Variants in NPNT observed in about 807,000 individuals in gnomAD.
NPNT encodes nephronectin, also known as preosteoblast EGF-like repeat protein with MAM domain.
NPNT carries 45 observed loss-of-function variants against 68.6 expected under a neutral mutation model. The ratio of observed to expected loss-of-function variants is 0.66; its 90% CI spans 0.52 to 0.84. The LOEUF (loss-of-function observed/expected upper bound fraction) is 0.84. NPNT is among the 40% of genes least tolerant of loss of function. The pLI is 0.00. For missense variants in NPNT, 672 were observed against 714.8 expected (o/e 0.94, Z 0.68); for synonymous variants, 233 against 253.3 (o/e 0.92, Z 0.76).
chr4:105,942,496 C>T lies in NPNT; in HGVS notation c.953C>T (p.Pro318Leu). ...CCTACTTCTAAGCCAACAACAAGAC[C>T]TACACCAAAGCCAACACCAATTCCT... ...NRPTSKPTTR[P>L]TPKPTPIPTP... The change falls in exon 8 of 12, where the codon CCT becomes CTT. Residue 318 changes from proline to leucine, a missense_variant. Coordinates refer to ENST00000379987, the MANE Select transcript of NPNT (RefSeq NM_001033047.3). The T allele has an allele frequency of 5.0e-6, 8 of 1,613,792 alleles. No homozygotes were observed. The highest frequency in any genetic ancestry group is 6.8e-6 in the Non-Finnish European group (8 of 1,179,920).
At chr4:105,943,890 G>A (rs753093481) in intron 8 of NPNT, among the ~76,000 whole-genome samples, 56 of 152,248 alleles carry the variant, frequency 3.7e-4, no homozygotes, top group Middle Eastern at 3.4e-3. Flanking sequence ...CAGACCGATC[G>A]CTTGAGCCTA....
At chr4:105,920,786 C>T (rs1054467848) in intron 2 of NPNT, among the ~76,000 whole-genome samples, 5 of 152,026 alleles carry the variant, frequency 3.3e-5, no homozygotes, top group African/African-American at 9.7e-5. Context: ...TGGGAGACAA[C>T]ATTATAAAGA....
chr4:105,951,798 C>G (rs1730859254), intron 8 of NPNT, among the ~76,000 whole-genome samples: 1 of 152,118 alleles, frequency 6.6e-6, no homozygotes, highest in Non-Finnish European at 1.5e-5. Context: ...TAAATGGGCC[C>G]TTGGTGATTG....
chr4:105,906,478 C>G (rs1008533086), intron 2 of NPNT, among the ~76,000 whole-genome samples: 2 of 148,880 alleles, frequency 1.3e-5, no homozygotes, highest in Non-Finnish European at 1.5e-5. Context: ...GTTTAAGAAG[C>G]ATTATGTGCA....
At chr4:105,938,894 G>T (rs915073955) in intron 5 of NPNT, among the ~76,000 whole-genome samples, 2 of 152,160 alleles carry the variant, frequency 1.3e-5, no homozygotes, top group African/African-American at 4.8e-5. Context: ...CCTTAGGCAA[G>T]AGACTTTGTT....
chr4:105,914,339 GCTCT>G (rs1157839512), intron 2 of NPNT, among the ~76,000 whole-genome samples: 4 of 133,362 alleles, frequency 3.0e-5, no homozygotes, highest in African/African-American at 8.5e-5. Flanking sequence ...GTAATAGCTG[GCTCT>G]CTCTCTCCAT....
Position 105,895,743 on chromosome 4 carries a change from G to A in NPNT, c.71+20G>A, listed in dbSNP as rs1398591458. The A allele has an allele frequency of 5.8e-6, 9 of 1,545,690 alleles. 1 individual carries two copies. Among genetic ancestry groups the A allele is most frequent in the Admixed American group, 2.0e-5 (1 of 50,996 alleles). The stretch of plus-strand genomic sequence containing the variant: ...CGGGAGGTGAGCTGGGCCCCGGGGC[G>A]CCCTCTCCTCCTTCCCGCGCTAATT... On this transcript the variant is annotated intron_variant, in intron 1 of 11. Transcript: ENST00000379987.
intron 2 of NPNT, among the ~76,000 whole-genome samples, chr4:105,919,369 A>G (rs796585175): frequency 2.2e-4 from 33 of 152,256 alleles, no homozygotes; most frequent in African/African-American, 7.7e-4. Flanking sequence ...GAGCAAGGAC[A>G]TTTACTTACA....
intron 1 of NPNT, among the ~76,000 whole-genome samples, chr4:105,897,151 G>T (rs1016406070): frequency 6.6e-6 from 1 of 152,170 alleles, no homozygotes; most frequent in Non-Finnish European, 1.5e-5. Flanking sequence ...AAACAATTTA[G>T]CAAATAATGT....
intron 2 of NPNT, among the ~76,000 whole-genome samples, chr4:105,914,884 G>C (rs186378573): frequency 2.0e-5 from 3 of 152,122 alleles, no homozygotes; most frequent in African/African-American, 7.2e-5. Context: ...GATGAGAGAC[G>C]CAGTGGGAGA....
chr4:105,926,471 G>A (rs1009123808), intron 2 of NPNT, among the ~76,000 whole-genome samples: 20 of 152,022 alleles, frequency 1.3e-4, no homozygotes, highest in South Asian at 2.1e-4. Flanking sequence ...CATCCTTGGC[G>A]CCTATCCACT....
chr4:105,900,155 T>C (rs1212132346), intron 2 of NPNT, among the ~76,000 whole-genome samples: 1 of 152,250 alleles, frequency 6.6e-6, no homozygotes, highest in Non-Finnish European at 1.5e-5. Context: ...TAGATAATCA[T>C]GTAGTTCTTT....
intron 2 of NPNT, among the ~76,000 whole-genome samples, chr4:105,908,875 C>T (rs1025592633): frequency 3.9e-5 from 6 of 152,064 alleles, no homozygotes; most frequent in Admixed American, 1.3e-4. Context: ...ACCTTATTTT[C>T]GTAAATCAAA....
In NPNT at chr4:105,938,329, T is replaced by A; in HGVS notation, c.414T>A (p.Cys138Ter). 1.9e-6 allele frequency: 3 copies of A among 1,613,696 alleles called. No individual in the cohort carries two copies. The highest frequency in any genetic ancestry group is 2.5e-6 in the Non-Finnish European group (3 of 1,179,748). ...CCCTGACCTGCTCCATGGCAAACTG[T>A]CAGTATGGCTGTGATGTTGTTAAAG... ...SSALTCSMAN[C>*]QYGCDVVKGQ... The change falls in exon 5 of 12, where the codon TGT (cysteine) becomes TGA (stop). Residue 138 changes from cysteine (C) to a stop codon, truncating the protein, a stop_gained. Coordinates refer to ENST00000379987, the MANE Select transcript of NPNT (RefSeq NM_001033047.3). LOFTEE classifies it high-confidence loss of function.
intron 3 of NPNT, among the ~76,000 whole-genome samples, chr4:105,928,694 A>G (rs571050152): frequency 1.3e-5 from 2 of 151,948 alleles, no homozygotes; most frequent in Non-Finnish European, 2.9e-5. Context: ...CACTAAATAG[A>G]TAAGTGTCAA....
At chr4:105,898,126 G>T in intron 2 of NPNT, 125 bp downstream of exon 2, 1 of 606,248 alleles carries the variant, frequency 1.6e-6, no homozygotes. Flanking sequence ...GTCTGACTTG[G>T]GGATTTTCAG....
intron 11 of NPNT, 86 bp from the exon 12 acceptor site, chr4:105,968,809 G>A: frequency 1.4e-6 from 1 of 707,790 alleles, no homozygotes; most frequent in South Asian, 1.9e-5. Flanking sequence ...TTGGTTTGGG[G>A]GAAGGTTTGC....
intron 2 of NPNT, among the ~76,000 whole-genome samples, chr4:105,917,120 A>T (rs1388160237): frequency 6.6e-6 from 1 of 152,176 alleles, no homozygotes; most frequent in East Asian, 1.9e-4. Flanking sequence ...GTTCACAATT[A>T]TGGGTAGAAT....
intron 3 of NPNT, chr4:105,932,520 A>G (rs1729194480): frequency 2.8e-6 from 2 of 714,060 alleles, no homozygotes; most frequent in Non-Finnish European, 4.8e-6. Flanking sequence ...TACCAACTGT[A>G]TGTAATTGTT....
Sources: gnomAD v4.1 joint callset for allele counts (sites outside exome capture counted in the v4.1 genomes callset) on GRCh38, gnomAD v4.1.1 for gene constraint, MANE v1.5 for transcripts, NCBI Gene and HGNC (gene_info 2026-07-23, HGNC 2026-07-21) for gene names.